SCHIP1: variants seen among roughly 807,000 people sequenced by gnomAD.
SCHIP1 encodes the protein schwannomin-interacting protein 1.
Under a neutral mutation model 29.7 loss-of-function variants are expected in SCHIP1, and 8 were observed. The observed-to-expected ratio is 0.27, with a 90% CI of 0.16 to 0.49. The LOEUF (loss-of-function observed/expected upper bound fraction) is 0.49. Among genes scored for constraint, SCHIP1 ranks in the 20% least tolerant of loss-of-function variants. The pLI is 0.99. For missense variants in SCHIP1, 193 were observed against 294.6 expected, an observed-to-expected ratio of 0.66 and a Z score of 2.52; for synonymous variants, 76 against 94.9, an observed-to-expected ratio of 0.80 and a Z score of 1.16.
the SCHIP1 span, among the ~76,000 whole-genome samples, chr3:159,799,966 C>G: frequency 1.3e-5 from 2 of 152,054 alleles, no homozygotes; most frequent in Admixed American, 6.5e-5. Context: ...GTTGGGACCC[C>G]CAGTTGAAGT....
the SCHIP1 span, among the ~76,000 whole-genome samples, chr3:159,683,924 C>G: frequency 6.6e-6 from 1 of 152,150 alleles, no homozygotes; most frequent in Admixed American, 6.6e-5. Flanking sequence ...AAACTTCTCT[C>G]TCTCTCTCTC....
At chr3:159,388,700 T>C in the SCHIP1 span, among the ~76,000 whole-genome samples, 2 of 152,162 alleles carry the variant, frequency 1.3e-5, no homozygotes, top group South Asian at 2.1e-4. Context: ...AAGTGTTCTG[T>C]AGTTTTGAAA....
intron 1 of SCHIP1, among the ~76,000 whole-genome samples, chr3:159,862,920 C>A (rs369259031): frequency 6.6e-6 from 1 of 151,932 alleles, no homozygotes; most frequent in Non-Finnish European, 1.5e-5. Flanking sequence ...CAGCTTTTTT[C>A]GAGAGCAATG....
the SCHIP1 span, among the ~76,000 whole-genome samples, chr3:159,286,093 G>A: frequency 6.8e-6 from 1 of 146,790 alleles, no homozygotes; most frequent in Non-Finnish European, 1.5e-5. Flanking sequence ...TTAAATTCAG[G>A]GGTAAATGTG....
the SCHIP1 span, among the ~76,000 whole-genome samples, chr3:159,615,972 C>T: frequency 6.6e-6 from 1 of 152,142 alleles, no homozygotes; most frequent in Non-Finnish European, 1.5e-5. Context: ...TGTACAGTTG[C>T]CCTGTGGCTC....
At chr3:159,532,332 A>G in the SCHIP1 span, among the ~76,000 whole-genome samples, 2 of 152,144 alleles carry the variant, frequency 1.3e-5, no homozygotes, top group Non-Finnish European at 2.9e-5. Flanking sequence ...GTCATTCCCA[A>G]TGCAATCTCA....
At chr3:159,500,124 A>G in the SCHIP1 span, among the ~76,000 whole-genome samples, 64 of 152,196 alleles carry the variant, frequency 4.2e-4, no homozygotes, top group African/African-American at 1.5e-3. Flanking sequence ...CACTGCCACT[A>G]AGTCCAGTTT....
At chr3:159,553,005 G>A in the SCHIP1 span, among the ~76,000 whole-genome samples, 1 of 152,072 alleles carries the variant, frequency 6.6e-6, no homozygotes, top group Non-Finnish European at 1.5e-5. Context: ...ATTAGTTACT[G>A]TCAAAAAGTG....
At chr3:159,312,145 G>T in the SCHIP1 span, among the ~76,000 whole-genome samples, 12 of 152,128 alleles carry the variant, frequency 7.9e-5, no homozygotes, top group African/African-American at 2.9e-4. Context: ...CACTTAGCAG[G>T]TTATGAGCCA....
chr3:159,440,962 T>C, the SCHIP1 span, among the ~76,000 whole-genome samples: 2 of 152,320 alleles, frequency 1.3e-5, no homozygotes, highest in East Asian at 3.9e-4. Flanking sequence ...TGTAGACTAT[T>C]TTGTCAAGAG....
the SCHIP1 span, among the ~76,000 whole-genome samples, chr3:159,467,369 T>A: frequency 6.6e-6 from 1 of 152,090 alleles, no homozygotes; most frequent in South Asian, 2.1e-4. Context: ...CCCACTTACA[T>A]GATTATGGTT....
chr3:159,425,606 C>A, the SCHIP1 span, among the ~76,000 whole-genome samples: 1 of 152,036 alleles, frequency 6.6e-6, no homozygotes, highest in Non-Finnish European at 1.5e-5. Context: ...GACTTTAACA[C>A]CCCACTGTCA....
At chr3:159,355,766 G>A in the SCHIP1 span, among the ~76,000 whole-genome samples, 1 of 151,896 alleles carries the variant, frequency 6.6e-6, no homozygotes, top group Admixed American at 6.6e-5. Context: ...TCCTGGCGAG[G>A]CTAAATTTGA....
At chr3:159,843,193 A>T (rs1744437399) in intron 1 of SCHIP1, among the ~76,000 whole-genome samples, 1 of 149,896 alleles carries the variant, frequency 6.7e-6, no homozygotes, top group Non-Finnish European at 1.5e-5. Flanking sequence ...TTGCATTTTT[A>T]CTAGAGACTG....
At chr3:159,631,854 G>A in the SCHIP1 span, among the ~76,000 whole-genome samples, 8 of 151,964 alleles carry the variant, frequency 5.3e-5, no homozygotes, top group East Asian at 9.7e-4. Flanking sequence ...TTTTTAATAA[G>A]CAGTGGAAAA....
the SCHIP1 span, among the ~76,000 whole-genome samples, chr3:159,486,652 G>A: frequency 3.9e-5 from 6 of 152,212 alleles, no homozygotes; most frequent in Non-Finnish European, 8.8e-5. Flanking sequence ...TGTTTCTGCA[G>A]CAAATATCAG....
the SCHIP1 span, among the ~76,000 whole-genome samples, chr3:159,449,918 A>G: frequency 6.6e-6 from 1 of 152,072 alleles, no homozygotes; most frequent in Admixed American, 6.6e-5. Context: ...AAGGGAAGAA[A>G]GAGAAGAGAA....
the SCHIP1 span, among the ~76,000 whole-genome samples, chr3:159,620,382 A>G: frequency 6.6e-6 from 1 of 152,234 alleles, no homozygotes; most frequent in Non-Finnish European, 1.5e-5. Flanking sequence ...ATGATAGGCC[A>G]TGCATACTTC....
chr3:159,699,887 C>T, the SCHIP1 span, among the ~76,000 whole-genome samples: 8 of 152,260 alleles, frequency 5.3e-5, no homozygotes, highest in African/African-American at 1.9e-4. Flanking sequence ...GAAAGGATTT[C>T]CAAGTTAGGC....
Sources: gnomAD v4.1 joint callset for allele counts (sites outside exome capture counted in the v4.1 genomes callset) on GRCh38, gnomAD v4.1.1 for gene constraint, MANE v1.5 for transcripts, NCBI Gene and HGNC (gene_info 2026-07-23, HGNC 2026-07-21) for gene names.